CAGE1: variants seen among roughly 807,000 people sequenced by gnomAD.
CAGE1 encodes cancer-associated gene 1 protein.
CAGE1 carries 66 observed loss-of-function variants against 94.9 expected under a neutral mutation model. That is an observed-to-expected ratio of 0.70 (90% confidence interval 0.57 to 0.85). CAGE1 has a LOEUF of 0.85. Ranked by LOEUF, CAGE1 falls within the 40% of genes least tolerant of loss-of-function variation. CAGE1 has a pLI of 0.00. For synonymous variants in CAGE1, 319 were observed against 321.0 expected (o/e 0.99, Z 0.07); for missense variants, 865 against 950.4 (o/e 0.91, Z 1.18).
At chr6:7,345,446 A>C (rs2477479) in intron 11 of CAGE1, among the ~76,000 whole-genome samples, 1 of 152,038 alleles carries the variant, frequency 6.6e-6, no homozygotes, top group Admixed American at 6.6e-5. Context: ...TTCATTCTTG[A>C]AGTGAGACCA....
intron 11 of CAGE1, among the ~76,000 whole-genome samples, chr6:7,345,200 C>A (rs940789359): frequency 9.2e-5 from 10 of 108,284 alleles, no homozygotes; most frequent in Non-Finnish European, 1.4e-4. Flanking sequence ...TTTGTAGTTT[C>A]ACTCTTTGAA....
chr6:7,354,893 T>C, intron 11 of CAGE1, 148 bp downstream of exon 11: 2 of 569,444 alleles, frequency 3.5e-6, no homozygotes, highest in East Asian at 2.9e-5. Flanking sequence ...CATTAAGCAG[T>C]CTATACCTAT....
At chr6:7,338,758 TTCTG>T (rs1759057090) in intron 11 of CAGE1, 3 of 708,830 alleles carry the variant, frequency 4.2e-6, no homozygotes, top group African/African-American at 1.8e-5. Context: ...TCTTTTTTTT[TTCTG>T]TCTTTGTACA....
chr6:7,336,042 T>G (rs938868286), intron 11 of CAGE1, among the ~76,000 whole-genome samples: 1 of 152,244 alleles, frequency 6.6e-6, no homozygotes, highest in African/African-American at 2.4e-5. Context: ...GTTATACTCT[T>G]TCTTTCAGAG....
At chr6:7,388,071 G>GGGA (rs1761189555) in intron 1 of CAGE1, among the ~76,000 whole-genome samples, 1 of 148,772 alleles carries the variant, frequency 6.7e-6, no homozygotes, top group Non-Finnish European at 1.5e-5. Flanking sequence ...TCAGTAACCT[G>GGGA]TGCTTTCTTT....
At chr6:7,341,915 C>T (rs1157971529) in intron 11 of CAGE1, 2 of 703,456 alleles carry the variant, frequency 2.8e-6, no homozygotes, top group East Asian at 6.0e-5. Flanking sequence ...AGCAAGATGT[C>T]CTCAATGCCG....
At chr6:7,343,740 G>A (rs1487408958) in intron 11 of CAGE1, among the ~76,000 whole-genome samples, 1 of 152,170 alleles carries the variant, frequency 6.6e-6, no homozygotes, top group Admixed American at 6.5e-5. Context: ...TAATGGGTAG[G>A]AATGGAATAG....
chr6:7,364,629 C>T (rs903115281), intron 9 of CAGE1, among the ~76,000 whole-genome samples: 5 of 151,734 alleles, frequency 3.3e-5, no homozygotes, highest in African/African-American at 4.8e-5. Context: ...CCACCGCGCC[C>T]GGCTAATTTT....
intron 9 of CAGE1, among the ~76,000 whole-genome samples, chr6:7,356,749 C>A (rs1187924782): frequency 1.3e-5 from 2 of 152,144 alleles, no homozygotes; most frequent in Non-Finnish European, 2.9e-5. Flanking sequence ...AGAAGAAAAA[C>A]TATAAACATG....
intron 7 of CAGE1, among the ~76,000 whole-genome samples, chr6:7,367,610 T>C (rs531101816): frequency 6.6e-6 from 1 of 152,176 alleles, no homozygotes; most frequent in Non-Finnish European, 1.5e-5. Flanking sequence ...CAGTTGGGCT[T>C]ATTTTTGAAA....
chr6:7,329,984 C>T (rs766496078), intron 12 of CAGE1, 96 bp from the exon 13 acceptor site: 28 of 609,774 alleles, frequency 4.6e-5, no homozygotes, highest in Non-Finnish European at 7.9e-5. Flanking sequence ...GCATATTTTC[C>T]CCTCACTTTC....
intron 11 of CAGE1, chr6:7,341,056 A>T (rs556258487): frequency 2.0e-6 from 1 of 495,806 alleles, no homozygotes; most frequent in East Asian, 4.9e-5. Flanking sequence ...GTTGATCCAG[A>T]TATAGAGGCC....
At chr6:7,377,228 A>G (rs1214738761) in intron 4 of CAGE1, among the ~76,000 whole-genome samples, 1 of 152,206 alleles carries the variant, frequency 6.6e-6, no homozygotes, top group Non-Finnish European at 1.5e-5. Context: ...GCCTAAAAGT[A>G]TCTATTGACT....
chr6:7,335,419 G>A (rs988379891), intron 11 of CAGE1, among the ~76,000 whole-genome samples: 1 of 152,202 alleles, frequency 6.6e-6, no homozygotes, highest in Non-Finnish European at 1.5e-5. Context: ...GGTCAGGCAG[G>A]TATGTGAAAT....
chr6:7,373,169 C>A lies in CAGE1; in HGVS notation c.1650G>T (p.Gln550His), dbSNP rs1335530709. 2 of 1,613,806 alleles carry A rather than the reference C, an allele frequency of 1.2e-6. No homozygotes were observed. The highest frequency in any genetic ancestry group is 1.7e-5 in the Admixed American group (1 of 59,998). Residue 550 changes from glutamine (Q) to histidine (H), a missense_variant, in exon 5 of 14, where the codon CAG becomes CAT. Transcript: ENST00000502583. ...VKNENAKLKQ[Q>H]VARSEEQNYV... Reference sequence around the variant, plus strand: ...AATTTTGCTCTTCACTCCTTGCAACCTGCTGTTTAAGTTTTGCATTCTCAT... The same window carrying A: ...AATTTTGCTCTTCACTCCTTGCAACATGCTGTTTAAGTTTTGCATTCTCAT...
At chr6:7,343,778 G>A (rs1208611685) in intron 11 of CAGE1, among the ~76,000 whole-genome samples, 1 of 152,180 alleles carries the variant, frequency 6.6e-6, no homozygotes. Context: ...CAAGGTAGCA[G>A]GGCTTGAGAA....
chr6:7,388,032 C>CAAA (rs70978963), intron 1 of CAGE1, among the ~76,000 whole-genome samples: 3 of 64,966 alleles, frequency 4.6e-5, no homozygotes, highest in African/African-American at 1.1e-4. Context: ...GACTCCATCT[C>CAAA]AAAAAAAAAA....
At chr6:7,345,374 A>G (rs1561852122) in intron 11 of CAGE1, among the ~76,000 whole-genome samples, 1 of 152,044 alleles carries the variant, frequency 6.6e-6, no homozygotes, top group Non-Finnish European at 1.5e-5. Context: ...AGAACATCAG[A>G]AGGAACAAAC....
At chr6:7,341,443 G>T in intron 11 of CAGE1, 1 of 997,228 alleles carries the variant, frequency 1.0e-6, no homozygotes, top group South Asian at 1.3e-5. Flanking sequence ...TCTCATCTAT[G>T]ATCACATGTA....
Sources: allele counts gnomAD v4.1 joint callset (sites outside exome capture counted in the v4.1 genomes callset), GRCh38; gene constraint gnomAD v4.1.1; transcripts MANE v1.5; gene names NCBI Gene and HGNC (gene_info 2026-07-23, HGNC 2026-07-21).